The following FRMD4A variants were observed in gnomAD, a reference collection of about 807,000 sequenced individuals.
FRMD4A encodes FERM domain containing 4A.
In FRMD4A, 29 loss-of-function variants were observed where a neutral mutation model predicts 129.1. The observed-to-expected ratio is 0.22, with a 90% CI of 0.17 to 0.31. FRMD4A has a LOEUF of 0.31. FRMD4A is among the 10% of genes least tolerant of loss of function. FRMD4A has a pLI of 1.00. For missense variants in FRMD4A, 1,272 were observed against 1,375.8 expected (o/e 0.92, Z 1.19); for synonymous variants, 634 against 571.6 (o/e 1.11, Z -1.56).
At chr10:13,672,990 T>C (rs1281787273) in intron 16 of FRMD4A, among the ~76,000 whole-genome samples, 1 of 152,234 alleles carries the variant, frequency 6.6e-6, no homozygotes, top group Non-Finnish European at 1.5e-5. Flanking sequence ...TTCCTTCTTT[T>C]GTTTTTGTTT....
chr10:14,077,765 C>A (rs552278228), intron 2 of FRMD4A, among the ~76,000 whole-genome samples: 1 of 152,182 alleles, frequency 6.6e-6, no homozygotes, highest in Non-Finnish European at 1.5e-5. Flanking sequence ...ATGTCTAATG[C>A]TTGGAGGATT....
rs909217973 is a variant in FRMD4A at position 13,738,139 on chromosome 10, G to A, written c.673-209C>T. On this transcript the variant is annotated intron_variant, in intron 11 of 24. Transcript: ENST00000357447. Reference sequence around the variant, plus strand: ...AAGAGGGTGACATGGGGAGTGCCGGGGGCTGGGGGCCTGGCTCTGCTCTTA... The same window carrying A: ...AAGAGGGTGACATGGGGAGTGCCGGAGGCTGGGGGCCTGGCTCTGCTCTTA... Among the ~76,000 whole-genome samples the A allele has an allele frequency of 4.6e-5, 7 of 152,232 alleles. No homozygotes were observed. In the East Asian group the frequency reaches 1.2e-3, roughly 25 times the overall value.
chr10:14,021,723 A>G (rs1832764816), intron 2 of FRMD4A, among the ~76,000 whole-genome samples: 1 of 152,196 alleles, frequency 6.6e-6, no homozygotes, highest in African/African-American at 2.4e-5. Context: ...GTGGTTACAC[A>G]GGGTGTTCAT....
intron 2 of FRMD4A, among the ~76,000 whole-genome samples, chr10:13,968,348 G>A (rs2095497863): frequency 6.6e-6 from 1 of 152,204 alleles, no homozygotes; most frequent in Admixed American, 6.5e-5. Context: ...CACTCAAGAT[G>A]AGTCTTTCCC....
chr10:14,201,167 G>C (rs192708210), intron 2 of FRMD4A, among the ~76,000 whole-genome samples: 13 of 152,302 alleles, frequency 8.5e-5, no homozygotes, highest in African/African-American at 3.1e-4. Context: ...CTGAGTTGCA[G>C]CTCACGGGGA....
chr10:14,062,117 G>C (rs985939678), intron 2 of FRMD4A, among the ~76,000 whole-genome samples: 2 of 152,168 alleles, frequency 1.3e-5, no homozygotes, highest in African/African-American at 2.4e-5. Flanking sequence ...GCTATTTATA[G>C]TACTGAAAAA....
At chr10:14,167,429 G>C (rs1424810679) in intron 2 of FRMD4A, among the ~76,000 whole-genome samples, 1 of 151,134 alleles carries the variant, frequency 6.6e-6, no homozygotes, top group Non-Finnish European at 1.5e-5. Context: ...CTATGCATGA[G>C]GCTGAGGTTG....
intron 2 of FRMD4A, among the ~76,000 whole-genome samples, chr10:14,285,206 C>G (rs1281764863): frequency 1.3e-5 from 2 of 152,216 alleles, no homozygotes; most frequent in African/African-American, 2.4e-5. Flanking sequence ...GAGGGTCAGA[C>G]AAGCAAAGCA....
At chr10:14,058,005 G>A (rs1000389812) in intron 2 of FRMD4A, among the ~76,000 whole-genome samples, 1 of 152,236 alleles carries the variant, frequency 6.6e-6, no homozygotes, top group African/African-American at 2.4e-5. Flanking sequence ...TGGTCAGGAA[G>A]TAATATATAG....
At chr10:13,968,323 G>A (rs1362710236) in intron 2 of FRMD4A, among the ~76,000 whole-genome samples, 3 of 152,132 alleles carry the variant, frequency 2.0e-5, no homozygotes, top group East Asian at 1.9e-4. Flanking sequence ...GCTTAAAATC[G>A]CTAATAAATA....
chr10:14,142,153 T>A (rs758707970), intron 2 of FRMD4A, among the ~76,000 whole-genome samples: 14 of 149,094 alleles, frequency 9.4e-5, no homozygotes, highest in Non-Finnish European at 1.8e-4. Flanking sequence ...ACAAAAAAGT[T>A]TTTTTTTTGT....
At chr10:14,210,112 C>G (rs1227630286) in intron 2 of FRMD4A, among the ~76,000 whole-genome samples, 2 of 152,176 alleles carry the variant, frequency 1.3e-5, no homozygotes, top group African/African-American at 4.8e-5. Context: ...ATACTTTGTG[C>G]CAGCCTGCTA....
intron 2 of FRMD4A, among the ~76,000 whole-genome samples, chr10:13,944,365 G>A (rs1002923030): frequency 6.6e-6 from 1 of 151,912 alleles, no homozygotes; most frequent in African/African-American, 2.4e-5. Context: ...CTGATGATTT[G>A]TCACTGTCTC....
intron 2 of FRMD4A, among the ~76,000 whole-genome samples, chr10:14,071,751 T>C (rs554498465): frequency 6.6e-6 from 1 of 152,230 alleles, no homozygotes; most frequent in Non-Finnish European, 1.5e-5. Flanking sequence ...ACCAGGTATG[T>C]GTGCAGAAAG....
chr10:14,039,333 A>T (rs2131671890), intron 2 of FRMD4A, among the ~76,000 whole-genome samples: 1 of 151,986 alleles, frequency 6.6e-6, no homozygotes, highest in South Asian at 2.1e-4. Flanking sequence ...GCTAAGTAAG[A>T]TCTTTTTCTT....
intron 2 of FRMD4A, among the ~76,000 whole-genome samples, chr10:14,115,653 T>G (rs920877427): frequency 6.6e-6 from 1 of 152,160 alleles, no homozygotes; most frequent in East Asian, 1.9e-4. Context: ...GAGTTCTCGC[T>G]CTTAGTTTGC....
intron 3 of FRMD4A, among the ~76,000 whole-genome samples, chr10:13,842,510 A>G (rs1292182498): frequency 6.6e-6 from 1 of 152,126 alleles, no homozygotes. Context: ...TATAATTCCC[A>G]TTTTAGTAAC....
intron 3 of FRMD4A, among the ~76,000 whole-genome samples, chr10:13,856,155 AGATT>A (rs1025040271): frequency 4.6e-5 from 7 of 150,578 alleles, no homozygotes; most frequent in African/African-American, 1.5e-4. Context: ...GTGTGTAGAT[AGATT>A]GTGTGTGTAT....
intron 2 of FRMD4A, among the ~76,000 whole-genome samples, chr10:13,975,310 A>ATG (rs1180957605): frequency 2.1e-5 from 3 of 143,444 alleles, no homozygotes; most frequent in Admixed American, 6.9e-5. Context: ...GTGTGTGTGT[A>ATG]TGTGTGTGTG....
Sources: allele counts gnomAD v4.1 joint callset (sites outside exome capture counted in the v4.1 genomes callset), GRCh38; gene constraint gnomAD v4.1.1; transcripts MANE v1.5; gene names NCBI Gene and HGNC (gene_info 2026-07-23, HGNC 2026-07-21).